FUT4: variants seen among roughly 807,000 people sequenced by gnomAD.
FUT4 encodes fucosyltransferase 4, also known as alpha-(1,3)-fucosyltransferase 4.
A neutral mutation model predicts 3.8 loss-of-function variants in FUT4; 1 was observed. The ratio of observed to expected loss-of-function variants is 0.26; its 90% CI spans 0.09 to 1.25. FUT4 has a LOEUF of 1.25. FUT4 is among the 50% of genes most tolerant of loss of function. The probability of loss-of-function intolerance (pLI) is 0.47; values close to 1 mark genes in which losing one functional copy is unlikely to be tolerated. For synonymous variants in FUT4, 417 were observed against 355.3 expected (o/e 1.17, Z -1.95); for missense variants, 880 against 768.2 (o/e 1.15, Z -1.72).
rs1042154194 is a variant in FUT4, at chr11:94,543,995, G to A, written c.-139G>A. The A allele has an allele frequency of 1.7e-6, 2 of 1,200,686 alleles. No homozygotes were observed. The highest frequency in any genetic ancestry group is 3.2e-5 in the African/African-American group (2 of 62,954). 74.4% of individuals were successfully genotyped at this position (1,200,686 alleles called of 1,614,324 possible). A position where few individuals can be genotyped will look rare whatever the true frequency, so the allele number is the denominator to read the frequency against. On this transcript the variant is annotated 5_prime_UTR_variant, in exon 1 of 1. Coordinates refer to ENST00000358752, the MANE Select transcript of FUT4 (RefSeq NM_002033.4). ...CGCGGCAGCTGCTTTAGAAGGTCTCGAGCCTCCTGTACCTTCCCAGGGATG... is the reference window on the plus strand; with the variant it reads ...CGCGGCAGCTGCTTTAGAAGGTCTCAAGCCTCCTGTACCTTCCCAGGGATG...
chr11:94,543,952 T>C lies in FUT4; in HGVS notation c.-182T>C. On this transcript the variant is annotated 5_prime_UTR_variant, in exon 1 of 1. Coordinates refer to ENST00000358752, the MANE Select transcript of FUT4 (RefSeq NM_002033.4). ...CGGCGCCGGGTCCGCCTTCCGTCTG[T>C]TCTAGGGCCTGCTCCTGCGCGGCAG... The C allele has an allele frequency of 1.2e-6, 1 of 851,032 alleles. No individual in the cohort carries two copies. Among genetic ancestry groups the C allele is most frequent in the East Asian group, 3.4e-5 (1 of 29,728 alleles). 52.7% of individuals were successfully genotyped at this position (851,032 alleles called of 1,614,324 possible).
In FUT4 at chr11:94,544,935, T is replaced by G. The variant is rs771636173; in HGVS notation, c.802T>G (p.Leu268Val). The G allele has an allele frequency of 6.2e-7, 1 of 1,607,216 alleles. No individual in the cohort carries two copies. Among genetic ancestry groups the G allele is most frequent in the African/African-American group, 1.3e-5 (1 of 74,722 alleles). Residue 268 changes from leucine (L) to valine (V), a missense_variant, in exon 1 of 1, where the codon TTG (leucine) becomes GTG (valine). Leu to Val is a conservative substitution (Grantham distance 32). Around this residue, in one of 3 missense-constraint regions of FUT4, gnomAD observed 424 missense variants for 400.4 expected, o/e 1.06. Coordinates refer to ENST00000358752, the MANE Select transcript of FUT4 (RefSeq NM_002033.4). ...HTAEEVDLRV[L>V]DYEEAAAAAE... ...TGCCGAGGAGGTGGATCTGCGCGTG[T>G]TGGACTACGAGGAGGCAGCGGCGGC... is the stretch of plus-strand genomic sequence containing the variant.
At position 94,547,353 on chromosome 11, in the gene FUT4, C is replaced by T. The variant is rs1204087439; in HGVS notation, c.*1627C>T. The T allele has an allele frequency of 6.0e-6, 1 of 166,934 alleles. No homozygotes were observed. Among genetic ancestry groups the T allele is most frequent in the Non-Finnish European group, 1.5e-5 (1 of 68,110 alleles). 10.3% of individuals were successfully genotyped at this position (166,934 alleles called of 1,614,324 possible). On this transcript the variant is annotated 3_prime_UTR_variant, in exon 1 of 1. Coordinates refer to ENST00000358752, the MANE Select transcript of FUT4 (RefSeq NM_002033.4). ...CTGAAATAATGGGAGTTTTCTCCTC[C>T]ACTTATTAGAATAAGGACCCTCAGT...
Position 94,548,760 on chromosome 11 carries a change from C to G in FUT4, c.*3034C>G, listed in dbSNP as rs1947894165. The stretch of plus-strand genomic sequence containing the variant: ...GTCATGTCCTCCTTTAAGGCTTTTC[C>G]CTCAAATTTATTACAAATTTAGTAT... On this transcript the variant is annotated 3_prime_UTR_variant, in exon 1 of 1. Transcript: ENST00000358752. The G allele has an allele frequency of 1.2e-5, 2 of 167,008 alleles. No homozygotes were observed. 10.3% of individuals were successfully genotyped at this position (167,008 alleles called of 1,614,324 possible). A position where few individuals can be genotyped will look rare whatever the true frequency, so the allele number is the denominator to read the frequency against.
rs1188303862 is a variant in FUT4, at chr11:94,548,801, ACT to A, written c.*3078_*3079del. On this transcript the variant is annotated 3_prime_UTR_variant, in exon 1 of 1. Transcript: ENST00000358752. ...AATTTAGTATTTTTAGTACTTGATGACTCTAATTACATGAATGCACCTGGAAT... is the reference window on the plus strand; with the variant it reads ...AATTTAGTATTTTTAGTACTTGATGACTAATTACATGAATGCACCTGGAAT... 1.2e-5 allele frequency: 2 copies of A among 167,184 alleles called. No individual in the cohort carries two copies. The highest frequency in any genetic ancestry group is 2.1e-4 in the South Asian group (1 of 4,820). The allele number at this position is 167,184 out of a possible 1,614,324, so 10.4% of individuals were successfully genotyped here.
Position 94,544,584 on chromosome 11 carries a change from T to C in FUT4, c.451T>C (p.Trp151Arg), listed in dbSNP as rs1262256353. The part of the protein sequence containing the change: ...RGWRRGRGLP[W>R]TVCVLAAAGL... ...GTGGCGCCGAGGCCGGGGGCTGCCA[T>C]GGACCGTCTGTGTGCTGGCGGCCGC... Residue 151 changes from tryptophan to arginine, a missense_variant, in exon 1 of 1, where the codon TGG becomes CGG. This residue lies in a region of FUT4 where 447 missense variants were observed against 339.5 expected (regional missense o/e 1.32). Coordinates refer to ENST00000358752, the MANE Select transcript of FUT4 (RefSeq NM_002033.4). 2 of 1,426,904 alleles carry C rather than the reference T, an allele frequency of 1.4e-6. No homozygotes were observed. Among genetic ancestry groups the C allele is most frequent in the African/African-American group, 1.5e-5 (1 of 66,180 alleles). The allele number at this position is 1,426,904 out of a possible 1,614,324, so 88.4% of individuals were successfully genotyped here. A position where few individuals can be genotyped will look rare whatever the true frequency, so the allele number is the denominator to read the frequency against.
rs545371409 is a variant in FUT4 at position 94,544,786 on chromosome 11, G to A, written c.653G>A (p.Ser218Asn). The change falls in exon 1 of 1, where the codon AGC (serine) becomes AAC (asparagine). Residue 218 changes from serine (S) to asparagine (N), a missense_variant. This residue lies in a region of FUT4 where 447 missense variants were observed against 339.5 expected (regional missense o/e 1.32). Transcript: ENST00000358752. ...PPDCRLRFNI[S>N]GCRLLTDRAS... is the part of the protein sequence containing the mutation. ...GACTGCCGGCTGCGCTTCAACATCA[G>A]CGGCTGCCGCCTGCTCACCGACCGC... 7.5e-6 allele frequency: 12 copies of A among 1,590,182 alleles called. No homozygotes were observed. In the East Asian group the frequency reaches 2.7e-4, roughly 36 times the overall value.
Position 94,544,634 on chromosome 11 carries a change from C to T in FUT4, c.501C>T (p.Ile167=), listed in dbSNP as rs1251592698. ...CCGGCTTGACGTGTACGGCGCTGAT[C>T]ACCTACGCTTGCTGGGGGCAGCTGC... The part of the protein sequence containing the change: ...AAAGLTCTAL[I]TYACWGQLPP... Residue 167 remains isoleucine, a synonymous_variant, in exon 1 of 1, where the codon ATC becomes ATT. Coordinates refer to ENST00000358752, the MANE Select transcript of FUT4 (RefSeq NM_002033.4). 1.3e-6 allele frequency: 2 copies of T among 1,509,528 alleles called. No homozygotes were observed. The highest frequency in any genetic ancestry group is 2.3e-5 in the East Asian group (1 of 42,820). 93.5% of individuals were successfully genotyped at this position (1,509,528 alleles called of 1,614,324 possible).
chr11:94,546,171 A>AC lies in FUT4; in HGVS notation c.*445_*446insC. 1 of 346,066 alleles carries AC rather than the reference A, an allele frequency of 2.9e-6. No homozygotes were observed. The highest frequency in any genetic ancestry group is 7.8e-5 in the East Asian group (1 of 12,882). The allele number at this position is 346,066 out of a possible 1,614,324, so 21.4% of individuals were successfully genotyped here. A position where few individuals can be genotyped will look rare whatever the true frequency, so the allele number is the denominator to read the frequency against. ...CAAGGTGAAGCAAATTTGTGGTTGT[A>AC]GAAGGAGCCTTGTTGGTGGAGAGTG... On this transcript the variant is annotated 3_prime_UTR_variant, in exon 1 of 1. Coordinates refer to ENST00000358752, the MANE Select transcript of FUT4 (RefSeq NM_002033.4).
In FUT4 at chr11:94,544,514, G is replaced by A; in HGVS notation, c.381G>A (p.Gly127=). 7.6e-7 allele frequency: 1 copy of A among 1,312,700 alleles called. No homozygotes were observed. The highest frequency in any genetic ancestry group is 2.5e-5 in the South Asian group (1 of 40,692). 81.3% of individuals were successfully genotyped at this position (1,312,700 alleles called of 1,614,324 possible). A position where few individuals can be genotyped will look rare whatever the true frequency, so the allele number is the denominator to read the frequency against. Residue 127 remains glycine (G), a synonymous_variant, in exon 1 of 1, where the codon GGG becomes GGA. Transcript: ENST00000358752. ...CAGCGCTGCCTGTTCGCGCCATGGG[G>A]GCACCGTGGGGCTCGCCGACGGCGG... ...AEAALPVRAM[G]APWGSPTAAA...
At position 94,546,249 on chromosome 11, in the gene FUT4, G is replaced by C; in HGVS notation, c.*523G>C. The C allele has an allele frequency of 3.5e-6, 1 of 289,144 alleles. No homozygotes were observed. The highest frequency in any genetic ancestry group is 7.2e-6 in the Non-Finnish European group (1 of 139,492). The allele number at this position is 289,144 out of a possible 1,614,324, so 17.9% of individuals were successfully genotyped here. ...TGTTGTTTGGATTCCTCACAGCCTT[G>C]GCTCCTGAGAAAGGTGAGGAGGGCA... On this transcript the variant is annotated 3_prime_UTR_variant, in exon 1 of 1. Transcript: ENST00000358752.
chr11:94,545,277 A>AC lies in FUT4; in HGVS notation c.1146dup (p.Val383ArgfsTer167). 2 of 1,612,064 alleles carry AC rather than the reference A, an allele frequency of 1.2e-6. No individual in the cohort carries two copies. The highest frequency in any genetic ancestry group is 1.7e-6 in the Non-Finnish European group (2 of 1,179,900). Reference sequence around the variant, plus strand: ...CTACCACCAACTGAGCCAACATGTGACCGTGGACGTGTTCGGCCGGGGCGG... The same window carrying AC: ...CTACCACCAACTGAGCCAACATGTGACCCGTGGACGTGTTCGGCCGGGGCGG... On this transcript the variant is annotated frameshift_variant, in exon 1 of 1. Coordinates refer to ENST00000358752, the MANE Select transcript of FUT4 (RefSeq NM_002033.4). LOFTEE classifies it low-confidence loss of function (END_TRUNC).
At position 94,545,383 on chromosome 11, in the gene FUT4, A is replaced by G; in HGVS notation, c.1250A>G (p.Gln417Arg). ...TTCTACCTGGCTTTCGAGAACTCGC[A>G]GCACCTGGATTATATCACCGAGAAG... The part of the protein sequence containing the change: ...YKFYLAFENS[Q>R]HLDYITEKLW... Residue 417 changes from glutamine to arginine, a missense_variant, in exon 1 of 1, where the codon CAG becomes CGG. By Grantham distance (43) the Gln-to-Arg change is conservative. Coordinates refer to ENST00000358752, the MANE Select transcript of FUT4 (RefSeq NM_002033.4). 1 of 1,612,840 alleles carries G rather than the reference A, an allele frequency of 6.2e-7. No individual in the cohort carries two copies. The highest frequency in any genetic ancestry group is 8.5e-7 in the Non-Finnish European group (1 of 1,179,830).
At position 94,545,853 on chromosome 11, in the gene FUT4, G is replaced by T; in HGVS notation, c.*127G>T. ...TCAAACACCCATTTTTGCTCTATGG[G>T]AAAAAAACGATTTACCAATTAATAT... On this transcript the variant is annotated 3_prime_UTR_variant, in exon 1 of 1. Coordinates refer to ENST00000358752, the MANE Select transcript of FUT4 (RefSeq NM_002033.4). The T allele has an allele frequency of 3.4e-6, 4 of 1,171,456 alleles. No individual in the cohort carries two copies. Among genetic ancestry groups the T allele is most frequent in the Non-Finnish European group, 5.0e-6 (4 of 801,432 alleles). 72.6% of individuals were successfully genotyped at this position (1,171,456 alleles called of 1,614,324 possible).
At position 94,545,420 on chromosome 11, in the gene FUT4, C is replaced by A; in HGVS notation, c.1287C>A (p.Asn429Lys). 1 of 1,613,300 alleles carries A rather than the reference C, an allele frequency of 6.2e-7. No homozygotes were observed. The highest frequency in any genetic ancestry group is 2.2e-5 in the East Asian group (1 of 44,864). Residue 429 changes from asparagine to lysine, a missense_variant, in exon 1 of 1, where the codon AAC becomes AAA. By Grantham distance (94) the Asn-to-Lys change is moderately conservative. Transcript: ENST00000358752. ...LDYITEKLWR[N>K]ALLAGAVPVV... ...ATATCACCGAGAAGCTCTGGCGCAACGCGTTGCTCGCTGGGGCGGTGCCGG... is the reference window on the plus strand; with the variant it reads ...ATATCACCGAGAAGCTCTGGCGCAAAGCGTTGCTCGCTGGGGCGGTGCCGG...
rs1947853826 is a variant in FUT4, at chr11:94,545,693, C to CAT, written c.1562_1563dup (p.Arg522TyrfsTer36). On this transcript the variant is annotated frameshift_variant, in exon 1 of 1. Coordinates refer to ENST00000358752, the MANE Select transcript of FUT4 (RefSeq NM_002033.4). LOFTEE classifies it high-confidence loss of function. Reference sequence around the variant, plus strand: ...AGAGGGCTGGGGACCGGCCCAAGAGCATACGGAACTTGGCCAGCTGGTTCG... The same window carrying CAT: ...AGAGGGCTGGGGACCGGCCCAAGAGCATATACGGAACTTGGCCAGCTGGTTCG... The CAT allele has an allele frequency of 3.1e-6, 5 of 1,612,124 alleles. No individual in the cohort carries two copies. The highest frequency in any genetic ancestry group is 4.2e-6 in the Non-Finnish European group (5 of 1,179,964).
chr11:94,546,586 A>G lies in FUT4; in HGVS notation c.*860A>G, dbSNP rs1292200885. On this transcript the variant is annotated 3_prime_UTR_variant, in exon 1 of 1. Coordinates refer to ENST00000358752, the MANE Select transcript of FUT4 (RefSeq NM_002033.4). ...CCTGGATTTTTTAAATCATATTAAAATTACAGATGTGAAAATAAAGCAGAA... is the reference window on the plus strand; with the variant it reads ...CCTGGATTTTTTAAATCATATTAAAGTTACAGATGTGAAAATAAAGCAGAA... 1.2e-5 allele frequency: 2 copies of G among 166,770 alleles called. No homozygotes were observed. The highest frequency in any genetic ancestry group is 1.9e-4 in the East Asian group (1 of 5,206). 10.3% of individuals were successfully genotyped at this position (166,770 alleles called of 1,614,324 possible).
Position 94,544,897 on chromosome 11 carries a change from T to A in FUT4, c.764T>A (p.Ile255Asn). ...CCCGACTGGCCCCCGCCCTGGGGCA[T>A]CCAGGCGCACACTGCCGAGGAGGTG... ...GPPDWPPPWG[I>N]QAHTAEEVDL... The change falls in exon 1 of 1, where the codon ATC (isoleucine) becomes AAC (asparagine). Residue 255 changes from isoleucine (I) to asparagine (N), a missense_variant. Coordinates refer to ENST00000358752, the MANE Select transcript of FUT4 (RefSeq NM_002033.4). 1 of 1,609,166 alleles carries A rather than the reference T, an allele frequency of 6.2e-7. No homozygotes were observed. The highest frequency in any genetic ancestry group is 1.7e-5 in the Admixed American group (1 of 59,868).
At position 94,545,429 on chromosome 11, in the gene FUT4, C is replaced by A. The variant is rs772677516; in HGVS notation, c.1296C>A (p.Leu432=). The A allele has an allele frequency of 6.2e-7, 1 of 1,613,262 alleles. No homozygotes were observed. Among genetic ancestry groups the A allele is most frequent in the Admixed American group, 1.7e-5 (1 of 60,008 alleles). Residue 432 remains leucine (L), a synonymous_variant, in exon 1 of 1, where the codon CTC becomes CTA. Coordinates refer to ENST00000358752, the MANE Select transcript of FUT4 (RefSeq NM_002033.4). ...AGAAGCTCTGGCGCAACGCGTTGCT[C>A]GCTGGGGCGGTGCCGGTGGTGCTGG... ...ITEKLWRNAL[L]AGAVPVVLGP...
Sources: allele counts gnomAD v4.1 joint callset, GRCh38; gene constraint gnomAD v4.1.1; regional missense constraint gnomAD v4.1.1; transcripts MANE v1.5; gene names NCBI Gene and HGNC (gene_info 2026-07-23, HGNC 2026-07-21).